KDM6A: variants seen among roughly 807,000 people sequenced by gnomAD.
KDM6A encodes lysine-specific demethylase 6A.
A neutral mutation model predicts 117.6 loss-of-function variants in KDM6A; 11 were observed. The observed-to-expected ratio is 0.09, with a 90% CI of 0.06 to 0.15. The LOEUF (loss-of-function observed/expected upper bound fraction) is 0.15, where lower values mean the gene tolerates loss of function less well. Among genes scored for constraint, KDM6A ranks in the 10% least tolerant of loss-of-function variants. The pLI, the probability that KDM6A is intolerant of heterozygous loss-of-function variation, is 1.00. For synonymous variants in KDM6A, 384 were observed against 396.1 expected, an observed-to-expected ratio of 0.97 and a Z score of 0.36; for missense variants, 799 against 1,077.3, an observed-to-expected ratio of 0.74 and a Z score of 3.62.
intron 21 of KDM6A, among the ~76,000 whole-genome samples, chrX:45,079,936 T>A (rs1268493350): frequency 8.9e-6 from 1 of 112,212 alleles, no homozygotes; most frequent in African/African-American, 3.2e-5. Context: ...TAGTGAAATG[T>A]CTCATTTCTG....
At chrX:45,035,529 A>G (rs1344308781) in intron 7 of KDM6A, among the ~76,000 whole-genome samples, 1 of 110,821 alleles carries the variant, frequency 9.0e-6, no homozygotes, top group Non-Finnish European at 1.9e-5. Flanking sequence ...TTCTGCTTCT[A>G]TGTAGGTGTC....
chrX:45,052,153 A>T (rs748634273), intron 9 of KDM6A, among the ~76,000 whole-genome samples: 1 of 112,190 alleles, frequency 8.9e-6, no homozygotes, highest in Non-Finnish European at 1.9e-5. Context: ...TCATAGCTTT[A>T]TTAGTTATAA....
chrX:44,883,394 A>G (rs2032504027), intron 2 of KDM6A, among the ~76,000 whole-genome samples: 1 of 107,732 alleles, frequency 9.3e-6, no homozygotes, highest in Non-Finnish European at 1.9e-5. Context: ...GTTTTTTGAG[A>G]CAGAGTCTCG....
intron 17 of KDM6A, among the ~76,000 whole-genome samples, chrX:45,069,000 T>C (rs1400942378): frequency 9.0e-6 from 1 of 110,916 alleles, no homozygotes; most frequent in Non-Finnish European, 1.9e-5. Flanking sequence ...CAAGCCTATC[T>C]AGTCTTCTAA....
intron 2 of KDM6A, among the ~76,000 whole-genome samples, chrX:44,937,229 A>T (rs1200676429): frequency 9.0e-6 from 1 of 110,925 alleles, no homozygotes; most frequent in African/African-American, 3.3e-5. Flanking sequence ...TTTTCAATGG[A>T]TTAGAGAAAC....
intron 10 of KDM6A, among the ~76,000 whole-genome samples, chrX:45,058,503 A>G (rs1039313113): frequency 4.5e-5 from 5 of 111,219 alleles, no homozygotes; most frequent in Non-Finnish European, 7.6e-5. Flanking sequence ...TATGTCTTAC[A>G]TGTGCATTTT....
chrX:45,080,088 A>C (rs1192473090), intron 21 of KDM6A, among the ~76,000 whole-genome samples: 1 of 111,369 alleles, frequency 9.0e-6, no homozygotes, highest in Non-Finnish European at 1.9e-5. Flanking sequence ...ATCTCCAGAC[A>C]TGTCATATAC....
chrX:45,020,864 G>A lies in KDM6A; in HGVS notation c.564+134G>A, dbSNP rs1001248368. ...TTTAAAAGAAAATTTGAAAATTCAG[G>A]TGACAGAACTGTTTATCAACTGTGA... is the stretch of plus-strand genomic sequence containing the variant. On this transcript the variant is annotated intron_variant, in intron 6 of 29. Coordinates refer to ENST00000611820, the MANE Select transcript of KDM6A (RefSeq NM_001291415.2). 7.1e-5 allele frequency: 48 copies of A among 676,327 alleles called. No individual in the cohort carries two copies. The African/African-American group carries it at 9.2e-4, about 13-fold the overall frequency. The allele number at this position is 676,327 out of a possible 1,213,427, so 55.7% of individuals were successfully genotyped here. A position where few individuals can be genotyped will look rare whatever the true frequency, so the allele number is the denominator to read the frequency against.
intron 4 of KDM6A, among the ~76,000 whole-genome samples, chrX:44,975,275 T>C (rs1201084636): frequency 9.0e-6 from 1 of 111,613 alleles, no homozygotes; most frequent in African/African-American, 3.2e-5. Flanking sequence ...TTTTACATCA[T>C]GTTTACTTTT....
intron 2 of KDM6A, among the ~76,000 whole-genome samples, chrX:44,882,240 C>A (rs897729514): frequency 1.8e-5 from 2 of 111,388 alleles, no homozygotes; most frequent in African/African-American, 6.5e-5. Context: ...GAAAGTATTG[C>A]AAATCAACCA....
chrX:45,040,458 C>CA (rs2043057867), intron 8 of KDM6A, among the ~76,000 whole-genome samples: 1 of 82,746 alleles, frequency 1.2e-5, no homozygotes, highest in African/African-American at 4.5e-5. Flanking sequence ...TGACCCCCCC[C>CA]ACCTCCCTCC....
intron 18 of KDM6A, among the ~76,000 whole-genome samples, chrX:45,074,849 C>T (rs1344932254): frequency 8.9e-6 from 1 of 111,774 alleles, no homozygotes; most frequent in Non-Finnish European, 1.9e-5. Context: ...CATTGTTTTA[C>T]TTTGTCATTT....
At chrX:44,978,725 C>G (rs763835800) in intron 4 of KDM6A, among the ~76,000 whole-genome samples, 1 of 112,028 alleles carries the variant, frequency 8.9e-6, no homozygotes, top group African/African-American at 3.2e-5. Context: ...TTTTCCATCA[C>G]CCAAAGTGTT....
intron 4 of KDM6A, among the ~76,000 whole-genome samples, chrX:45,003,877 TCTTCTCCCC>T (rs2041290193): frequency 1.0e-5 from 1 of 99,271 alleles, no homozygotes; most frequent in Non-Finnish European, 2.0e-5. Flanking sequence ...CCTCTCTCTC[TCTTCTCCCC>T]CTTCTCCCCC....
chrX:45,010,849 A>C, intron 4 of KDM6A, 112 bp from the exon 5 acceptor site: 1 of 538,905 alleles, frequency 1.9e-6, no homozygotes, highest in Non-Finnish European at 3.1e-6. Context: ...ATTGTAATGC[A>C]TGATAGAATT....
At chrX:45,078,554 T>C (rs1432470933) in intron 20 of KDM6A, 49 bp downstream of exon 20, 2 of 1,052,638 alleles carry the variant, frequency 1.9e-6, no homozygotes, top group South Asian at 2.0e-5. Flanking sequence ...TGTTTTGCTA[T>C]CTTTTAACTT....
At position 44,873,873 on chromosome X, in the gene KDM6A, G is replaced by C. The variant is rs374905739; in HGVS notation, c.162-51G>C. 29 of 1,178,345 alleles carry C rather than the reference G, an allele frequency of 2.5e-5. No individual in the cohort carries two copies. In the African/African-American group the frequency reaches 5.1e-4, roughly 21 times the overall value. ...GGGCCTCGGGCTCGGGCAGGGACGGGTCGGTGGCGTTCCCTGAGCGTTAAC... is the reference window on the plus strand; with the variant it reads ...GGGCCTCGGGCTCGGGCAGGGACGGCTCGGTGGCGTTCCCTGAGCGTTAAC... On this transcript the variant is annotated intron_variant, in intron 1 of 29. Coordinates refer to ENST00000611820, the MANE Select transcript of KDM6A (RefSeq NM_001291415.2).
intron 24 of KDM6A, among the ~76,000 whole-genome samples, chrX:45,084,261 A>G (rs1314814034): frequency 2.7e-5 from 3 of 111,731 alleles, no homozygotes; most frequent in Non-Finnish European, 5.6e-5. Context: ...TTAGACTTAA[A>G]TTTTCCATCC....
At chrX:44,983,330 G>C (rs2147319743) in intron 4 of KDM6A, among the ~76,000 whole-genome samples, 1 of 111,625 alleles carries the variant, frequency 9.0e-6, no homozygotes, top group South Asian at 3.7e-4. Context: ...ATACAGTTTA[G>C]GCTAGTCTGG....
Sources: allele counts gnomAD v4.1 joint callset (sites outside exome capture counted in the v4.1 genomes callset), GRCh38; gene constraint gnomAD v4.1.1; transcripts MANE v1.5; gene names NCBI Gene and HGNC (gene_info 2026-07-23, HGNC 2026-07-21).